The following ATP10B variants were observed in gnomAD, a reference collection of about 807,000 sequenced individuals.
ATP10B encodes phospholipid-transporting ATPase VB.
In ATP10B, 122 loss-of-function variants were observed where a neutral mutation model predicts 141.2. The ratio of observed to expected loss-of-function variants is 0.86; its 90% confidence interval spans 0.75 to 1.00. The LOEUF is 1.00. ATP10B is among the 50% of genes least tolerant of loss of function. The pLI is 0.00. For synonymous variants in ATP10B, 685 were observed against 692.0 expected (o/e 0.99, Z 0.16); for missense variants, 1,876 against 1,825.3 (o/e 1.03, Z -0.51).
intron 2 of ATP10B, among the ~76,000 whole-genome samples, chr5:160,733,453 T>C (rs1021135053): frequency 3.8e-4 from 58 of 152,034 alleles, no homozygotes; most frequent in African/African-American, 1.4e-3. Flanking sequence ...AGATTCAAGA[T>C]GTTCAATAAA....
intron 9 of ATP10B, among the ~76,000 whole-genome samples, chr5:160,642,244 T>C (rs1015041706): frequency 6.6e-6 from 1 of 152,174 alleles, no homozygotes; most frequent in East Asian, 1.9e-4. Flanking sequence ...ATGATTGTGG[T>C]GTATGAAGTG....
the ATP10B span, among the ~76,000 whole-genome samples, chr5:160,919,223 C>CAAA: frequency 3.8e-3 from 102 of 26,930 alleles, 8 homozygotes; most frequent in South Asian, 5.0e-3. Context: ...AACTCCGTCT[C>CAAA]AAAAAAAAAA....
intron 24 of ATP10B, among the ~76,000 whole-genome samples, chr5:160,586,030 A>G (rs1249036442): frequency 6.6e-6 from 1 of 152,222 alleles, no homozygotes; most frequent in Non-Finnish European, 1.5e-5. Context: ...TTACATAGGT[A>G]TACATGTGCC....
chr5:160,668,793 C>T (rs1293295726), intron 7 of ATP10B, among the ~76,000 whole-genome samples: 1 of 152,188 alleles, frequency 6.6e-6, no homozygotes, highest in East Asian at 1.9e-4. Context: ...TTGAATTTCA[C>T]AGCAAAACCA....
intron 1 of ATP10B, among the ~76,000 whole-genome samples, chr5:160,794,151 AT>A (rs1561860432): frequency 6.6e-6 from 1 of 152,204 alleles, no homozygotes; most frequent in Non-Finnish European, 1.5e-5. Context: ...AGGAGCTAAT[AT>A]GTCCTAGGAA....
chr5:160,851,891 G>A (rs552749781), intron 1 of ATP10B, 50 bp downstream of exon 1: 4 of 152,128 alleles, frequency 2.6e-5, no homozygotes, highest in Non-Finnish European at 5.9e-5. Flanking sequence ...GATTCTAAGA[G>A]GCAATTACTC....
chr5:160,866,696 CA>C, the ATP10B span, among the ~76,000 whole-genome samples: 4 of 151,794 alleles, frequency 2.6e-5, no homozygotes, highest in African/African-American at 9.7e-5. Flanking sequence ...AAAACAAAAC[CA>C]AAACAAAATA....
intron 13 of ATP10B, among the ~76,000 whole-genome samples, chr5:160,627,667 G>A (rs1407858079): frequency 2.0e-5 from 3 of 152,094 alleles, no homozygotes; most frequent in Non-Finnish European, 4.4e-5. Flanking sequence ...ACCATCCAAC[G>A]AATTCTAGCA....
At chr5:160,914,817 G>T in the ATP10B span, among the ~76,000 whole-genome samples, 4 of 152,206 alleles carry the variant, frequency 2.6e-5, no homozygotes, top group South Asian at 8.3e-4. Flanking sequence ...AAGTTGCTCA[G>T]TGCTCCATTT....
the ATP10B span, among the ~76,000 whole-genome samples, chr5:160,882,993 A>G: frequency 6.6e-6 from 1 of 152,208 alleles, no homozygotes; most frequent in South Asian, 2.1e-4. Context: ...AAATAAATCT[A>G]AAATGAAAAG....
intron 5 of ATP10B, 57 bp downstream of exon 5, chr5:160,687,743 G>C: frequency 6.4e-7 from 1 of 1,553,176 alleles, no homozygotes. Context: ...CCAGCCTGGG[G>C]AACAGAATGA....
the ATP10B span, among the ~76,000 whole-genome samples, chr5:160,892,676 A>G: frequency 6.6e-6 from 1 of 152,174 alleles, no homozygotes; most frequent in Non-Finnish European, 1.5e-5. Flanking sequence ...CTGGTATCCA[A>G]ACTGTCTCCA....
the ATP10B span, among the ~76,000 whole-genome samples, chr5:160,886,783 T>G: frequency 6.6e-6 from 1 of 152,174 alleles, no homozygotes; most frequent in Non-Finnish European, 1.5e-5. Context: ...TGCCATAATT[T>G]CATTCCAGGC....
intron 3 of ATP10B, among the ~76,000 whole-genome samples, chr5:160,704,581 TA>T (rs1432224379): frequency 3.3e-5 from 5 of 152,192 alleles, no homozygotes; most frequent in Admixed American, 3.3e-4. Flanking sequence ...TTAGAGTCAC[TA>T]GCTGCATTAT....
At chr5:160,900,908 GTTTTTTTTTTTTTTTTT>G in the ATP10B span, among the ~76,000 whole-genome samples, 1 of 88,954 alleles carries the variant, frequency 1.1e-5, no homozygotes, top group Non-Finnish European at 2.1e-5. Context: ...GGGTAGAGAA[GTTTTTTTTTTTTTTTTT>G]TTTTTTTTTA....
At chr5:160,902,907 A>G in the ATP10B span, among the ~76,000 whole-genome samples, 79,704 of 151,992 alleles carry the variant, frequency 0.52, 21,237 homozygotes, top group African/African-American at 0.59. Context: ...TTTGTAATCA[A>G]CAATTAGGAT....
intron 11 of ATP10B, among the ~76,000 whole-genome samples, chr5:160,635,618 A>G (rs189251299): frequency 6.5e-4 from 99 of 152,256 alleles, no homozygotes; most frequent in African/African-American, 2.2e-3. Context: ...GAAAACTACA[A>G]CTTCCCTCAT....
Position 160,693,459 on chromosome 5 carries a change from G to C in ATP10B, c.-204-4516C>G, listed in dbSNP as rs1044327340. ...ACACACACACACACACACACACAGT[G>C]GTATAGTCAGGGAAGGGCTCGTGGG... On this transcript the variant is annotated intron_variant, in intron 3 of 25. Transcript: ENST00000327245. Among the ~76,000 whole-genome samples the C allele has an allele frequency of 4.3e-5, 5 of 116,328 alleles. No individual in the cohort carries two copies. In the East Asian group the frequency reaches 1.8e-3, roughly 43 times the overall value. 76.3% of individuals were successfully genotyped at this position (116,328 alleles called of 152,430 possible). A position where few individuals can be genotyped will look rare whatever the true frequency, so the allele number is the denominator to read the frequency against.
intron 3 of ATP10B, among the ~76,000 whole-genome samples, chr5:160,715,409 C>G (rs1329245428): frequency 1.4e-5 from 2 of 143,728 alleles, no homozygotes; most frequent in African/African-American, 2.6e-5. Flanking sequence ...TTCTTTGACT[C>G]GGAAAGGGAA....
Sources: gnomAD v4.1 joint callset for allele counts (sites outside exome capture counted in the v4.1 genomes callset) on GRCh38, gnomAD v4.1.1 for gene constraint, MANE v1.5 for transcripts, NCBI Gene and HGNC (gene_info 2026-07-23, HGNC 2026-07-21) for gene names.